The following FMN2 variants were observed in gnomAD, a reference collection of about 807,000 sequenced individuals.
FMN2 encodes the protein formin-2.
In FMN2, 51 loss-of-function variants were observed where a neutral mutation model predicts 142.3. That is an observed-to-expected ratio of 0.36 (90% CI 0.29 to 0.45). The LOEUF (loss-of-function observed/expected upper bound fraction) is 0.45, where lower values mean the gene tolerates loss of function less well. FMN2 is among the 20% of genes least tolerant of loss of function. FMN2 has a pLI of 1.00. For missense variants in FMN2, 1,936 were observed against 2,122.8 expected, an observed-to-expected ratio of 0.91 and a Z score of 1.73; for synonymous variants, 882 against 869.8, an observed-to-expected ratio of 1.01 and a Z score of -0.25.
At chr1:240,441,600 A>G (rs1226403363) in intron 16 of FMN2, among the ~76,000 whole-genome samples, 2 of 142,882 alleles carry the variant, frequency 1.4e-5, no homozygotes, top group Non-Finnish European at 3.0e-5. Context: ...TGATATTTGC[A>G]TATTGGTCTT....
chr1:240,169,078 G>T (rs950907354), intron 2 of FMN2, among the ~76,000 whole-genome samples: 4 of 152,168 alleles, frequency 2.6e-5, no homozygotes, highest in Non-Finnish European at 5.9e-5. Context: ...GGGCGTGGTG[G>T]CACATGCCTG....
chr1:240,144,949 A>T, intron 2 of FMN2: 5 of 1,280,276 alleles, frequency 3.9e-6, no homozygotes, highest in Non-Finnish European at 5.7e-6. Context: ...CTACTAGCCG[A>T]TACTTGAGGC....
intron 6 of FMN2, among the ~76,000 whole-genome samples, chr1:240,226,331 T>C (rs1200275576): frequency 6.6e-6 from 1 of 152,120 alleles, no homozygotes; most frequent in Non-Finnish European, 1.5e-5. Context: ...ACCCCAATAA[T>C]ACTAACAGCA....
chr1:240,361,838 A>G (rs998324396), intron 14 of FMN2, among the ~76,000 whole-genome samples: 1 of 152,206 alleles, frequency 6.6e-6, no homozygotes, highest in Admixed American at 6.5e-5. Flanking sequence ...AGATCCAGGG[A>G]TAGTATTCTG....
chr1:240,107,680 T>C (rs1661664706), intron 1 of FMN2, among the ~76,000 whole-genome samples: 1 of 152,154 alleles, frequency 6.6e-6, no homozygotes, highest in Non-Finnish European at 1.5e-5. Context: ...TTAGATTAAA[T>C]TTCTCTATTT....
chr1:240,399,100 T>G (rs1036737158), intron 15 of FMN2, among the ~76,000 whole-genome samples: 6 of 152,146 alleles, frequency 3.9e-5, no homozygotes, highest in Non-Finnish European at 7.3e-5. Context: ...CGAGGATTTA[T>G]CTCAGGTTTT....
At chr1:240,211,426 C>T (rs1392895189) in intron 6 of FMN2, among the ~76,000 whole-genome samples, 191 bp downstream of exon 6, 1 of 152,208 alleles carries the variant, frequency 6.6e-6, no homozygotes, top group Non-Finnish European at 1.5e-5. Flanking sequence ...ATAATTATCT[C>T]CATCCAGTGA....
intron 2 of FMN2, among the ~76,000 whole-genome samples, chr1:240,137,032 T>C (rs914230428): frequency 1.5e-5 from 2 of 131,022 alleles, no homozygotes; most frequent in African/African-American, 3.0e-5. Flanking sequence ...ATCGCGCTAC[T>C]GCACTCCAGC....
chr1:240,243,455 T>G (rs1369714898), intron 6 of FMN2, among the ~76,000 whole-genome samples: 3 of 152,208 alleles, frequency 2.0e-5, no homozygotes, highest in Non-Finnish European at 4.4e-5. Context: ...ATGTATGGGT[T>G]GTTCTCCTTC....
At chr1:240,227,498 A>G (rs549806756) in intron 6 of FMN2, among the ~76,000 whole-genome samples, 32 of 152,346 alleles carry the variant, frequency 2.1e-4, no homozygotes, top group Admixed American at 8.5e-4. Flanking sequence ...CAGAATAGCC[A>G]AAACAATCTA....
At chr1:240,149,161 C>T (rs1226896917) in intron 2 of FMN2, among the ~76,000 whole-genome samples, 1 of 151,994 alleles carries the variant, frequency 6.6e-6, no homozygotes, top group Non-Finnish European at 1.5e-5. Flanking sequence ...ATAAAGTAAC[C>T]ATTTTTGTAC....
chr1:240,449,252 C>G (rs568028748), intron 16 of FMN2, among the ~76,000 whole-genome samples: 21 of 152,292 alleles, frequency 1.4e-4, no homozygotes, highest in Admixed American at 4.6e-4. Context: ...ACTTCACCCT[C>G]TCTCCGGAAT....
intron 16 of FMN2, among the ~76,000 whole-genome samples, chr1:240,459,717 TAAAAAAAAAAAAAAAAAAAAAAAA>T (rs57065226): frequency 6.3e-4 from 42 of 67,126 alleles, no homozygotes; most frequent in East Asian, 1.5e-3. Context: ...ACTCTGTCTC[TAAAAAAAAAAAAAAAAAAAAAAAA>T]AAAAAAAAAA....
At chr1:240,321,807 CTAATT>C (rs1213997331) in intron 8 of FMN2, among the ~76,000 whole-genome samples, 1 of 151,980 alleles carries the variant, frequency 6.6e-6, no homozygotes, top group Middle Eastern at 3.2e-3. Flanking sequence ...TGCGACTCCT[CTAATT>C]TAAAGAAAAA....
At chr1:240,301,344 TTTG>T (rs1670189578) in intron 8 of FMN2, among the ~76,000 whole-genome samples, 1 of 151,828 alleles carries the variant, frequency 6.6e-6, no homozygotes, top group Admixed American at 6.6e-5. Flanking sequence ...TTTAACTTAT[TTTG>T]TTGTGACGTG....
intron 10 of FMN2, among the ~76,000 whole-genome samples, chr1:240,329,908 A>T (rs1038642085): frequency 6.6e-6 from 1 of 152,218 alleles, no homozygotes; most frequent in African/African-American, 2.4e-5. Context: ...ACAGAAGACA[A>T]ATATTCTTCC....
chr1:240,270,942 G>A (rs1434533990), intron 7 of FMN2, among the ~76,000 whole-genome samples: 1 of 151,838 alleles, frequency 6.6e-6, no homozygotes, highest in Non-Finnish European at 1.5e-5. Flanking sequence ...GGTGACTATG[G>A]TTAATAATAA....
chr1:240,113,283 G>T (rs1030576695), intron 1 of FMN2, among the ~76,000 whole-genome samples: 8 of 152,044 alleles, frequency 5.3e-5, no homozygotes, highest in African/African-American at 1.9e-4. Context: ...TAAGATTGTG[G>T]CCGGGCACGG....
At chr1:240,396,303 CGTGTGT>C (rs57641655) in intron 15 of FMN2, among the ~76,000 whole-genome samples, 2,397 of 142,782 alleles carry the variant, frequency 0.017, 67 homozygotes, top group African/African-American at 0.055. Flanking sequence ...CCGAGGTTTT[CGTGTGT>C]GTGTGTGTGT....
Sources: gnomAD v4.1 joint callset for allele counts (sites outside exome capture counted in the v4.1 genomes callset) on GRCh38, gnomAD v4.1.1 for gene constraint, MANE v1.5 for transcripts, NCBI Gene and HGNC (gene_info 2026-07-23, HGNC 2026-07-21) for gene names.